Variants in SLC24A2 observed in about 807,000 individuals in gnomAD.
SLC24A2 encodes solute carrier family 24 member 2.
SLC24A2 carries 36 observed loss-of-function variants against 62.0 expected under a neutral mutation model. That is an observed-to-expected ratio of 0.58 (90% confidence interval 0.44 to 0.77). SLC24A2 has a LOEUF of 0.77. Ranked by LOEUF, SLC24A2 falls within the 30% of genes least tolerant of loss-of-function variation. SLC24A2 has a pLI of 0.00. For missense variants in SLC24A2, 846 were observed against 817.9 expected (o/e 1.03, Z -0.42); for synonymous variants, 358 against 294.0 (o/e 1.22, Z -2.23).
chr9:19,842,105 T>A, the SLC24A2 span, among the ~76,000 whole-genome samples: 1 of 152,232 alleles, frequency 6.6e-6, no homozygotes, highest in Non-Finnish European at 1.5e-5. Context: ...ATTATGGAAG[T>A]GGCAGAGATT....
intron 2 of SLC24A2, among the ~76,000 whole-genome samples, chr9:19,772,964 T>C (rs1822734493): frequency 6.6e-6 from 1 of 152,196 alleles, no homozygotes; most frequent in Non-Finnish European, 1.5e-5. Flanking sequence ...ACTGATGAAA[T>C]GTGGTGTACC....
At chr9:19,557,975 A>G (rs1835182560) in intron 7 of SLC24A2, among the ~76,000 whole-genome samples, 1 of 151,904 alleles carries the variant, frequency 6.6e-6, no homozygotes, top group Non-Finnish European at 1.5e-5. Flanking sequence ...ATGCACCACC[A>G]TGGCTAATTT....
At chr9:19,923,663 AGTT>A in the SLC24A2 span, among the ~76,000 whole-genome samples, 5 of 152,260 alleles carry the variant, frequency 3.3e-5, no homozygotes, top group African/African-American at 1.2e-4. Flanking sequence ...ATGGGGATAT[AGTT>A]GTTGTCACCT....
the SLC24A2 span, among the ~76,000 whole-genome samples, chr9:20,193,699 TAG>T: frequency 3.3e-5 from 5 of 152,020 alleles, no homozygotes; most frequent in East Asian, 7.7e-4. Flanking sequence ...TGTAACCCAA[TAG>T]AGAGACATAC....
the SLC24A2 span, among the ~76,000 whole-genome samples, chr9:19,821,733 T>C: frequency 6.6e-6 from 1 of 152,152 alleles, no homozygotes; most frequent in Non-Finnish European, 1.5e-5. Flanking sequence ...ATATCCTAAC[T>C]TTCTTACAAG....
chr9:20,082,715 C>T, the SLC24A2 span, among the ~76,000 whole-genome samples: 1 of 152,230 alleles, frequency 6.6e-6, no homozygotes, highest in Non-Finnish European at 1.5e-5. Flanking sequence ...CTTCCCACCT[C>T]TATTCCCCAT....
chr9:19,527,542 T>G (rs1833495775), intron 9 of SLC24A2, among the ~76,000 whole-genome samples: 1 of 152,258 alleles, frequency 6.6e-6, no homozygotes, highest in Admixed American at 6.5e-5. Context: ...CAATAATGAT[T>G]ACTGAGAGTG....
At position 19,512,289 on chromosome 9, in the gene SLC24A2, T is replaced by C. The variant is rs1832746691; in HGVS notation, c.*3864A>G. On this transcript the variant is annotated 3_prime_UTR_variant, in exon 11 of 11. Coordinates refer to ENST00000341998, the MANE Select transcript of SLC24A2 (RefSeq NM_020344.4). ...CATGTCTTCCCTATAAAATAAATTA[T>C]GATGGCCCTTGTCAGGTGACACCTG... 6.6e-6 allele frequency: 1 copy of C among 152,264 alleles called. No individual in the cohort carries two copies. Among genetic ancestry groups the C allele is most frequent in the Non-Finnish European group, 1.5e-5 (1 of 68,052 alleles). The allele number at this position is 152,264 out of a possible 1,614,324, so 9.4% of individuals were successfully genotyped here.
At chr9:19,825,313 C>A in the SLC24A2 span, among the ~76,000 whole-genome samples, 1 of 152,080 alleles carries the variant, frequency 6.6e-6, no homozygotes, top group African/African-American at 2.4e-5. Context: ...TTTTATTTTG[C>A]CTGGAGTAAT....
At chr9:20,090,283 T>C in the SLC24A2 span, among the ~76,000 whole-genome samples, 668 of 152,244 alleles carry the variant, frequency 4.4e-3, 4 homozygotes, top group African/African-American at 0.015. Context: ...GAAAAAACCC[T>C]TGGCCACAAC....
rs1490854133 is a variant in SLC24A2 at position 19,600,450 on chromosome 9, AG to A, written c.1079-3172del. On this transcript the variant is annotated intron_variant, in intron 4 of 10. Transcript: ENST00000341998. ...ATGTAACAACTCCCAATTGTCTCAC[AG>A]GGACAGATCTCGATTATGGAAAATA... 5.3e-5 allele frequency among the ~76,000 whole-genome samples: 8 copies of A among 152,358 alleles called. No individual in the cohort carries two copies. In the South Asian group the frequency reaches 6.2e-4, roughly 12 times the overall value.
At chr9:19,709,723 G>C (rs1325847020) in intron 2 of SLC24A2, among the ~76,000 whole-genome samples, 1 of 141,832 alleles carries the variant, frequency 7.1e-6, no homozygotes, top group Non-Finnish European at 1.5e-5. Flanking sequence ...GACACAGGAA[G>C]GGGAAATCAC....
the SLC24A2 span, among the ~76,000 whole-genome samples, chr9:20,149,981 T>A: frequency 2.0e-5 from 3 of 152,034 alleles, no homozygotes; most frequent in African/African-American, 7.2e-5. Context: ...CATTGTCACT[T>A]CCCACACCCT....
the SLC24A2 span, among the ~76,000 whole-genome samples, chr9:19,935,884 CCACATGA>C: frequency 6.6e-6 from 1 of 152,136 alleles, no homozygotes; most frequent in African/African-American, 2.4e-5. Context: ...GAAGCAATCT[CCACATGA>C]GAAGCAACAG....
chr9:20,161,899 A>C, the SLC24A2 span, among the ~76,000 whole-genome samples: 2 of 151,668 alleles, frequency 1.3e-5, no homozygotes, highest in African/African-American at 4.8e-5. Context: ...TATATTCGCT[A>C]CTGTTTAATA....
the SLC24A2 span, among the ~76,000 whole-genome samples, chr9:20,281,306 AC>A: frequency 7.9e-5 from 12 of 152,286 alleles, no homozygotes; most frequent in East Asian, 2.3e-3. Flanking sequence ...GAAACTATAA[AC>A]TTTTTATACT....
chr9:19,990,366 C>T, the SLC24A2 span, among the ~76,000 whole-genome samples: 18 of 152,122 alleles, frequency 1.2e-4, no homozygotes, highest in African/African-American at 4.3e-4. Flanking sequence ...AATCCCTGCA[C>T]TTTGGGAGGC....
chr9:19,882,456 T>C, the SLC24A2 span, among the ~76,000 whole-genome samples: 140,260 of 151,980 alleles, frequency 0.92, 65,053 homozygotes, highest in East Asian at 0.99. Context: ...TATGTGTGGA[T>C]CTCTTCCTTG....
chr9:19,729,645 A>G (rs1375588693), intron 2 of SLC24A2, among the ~76,000 whole-genome samples: 1 of 152,148 alleles, frequency 6.6e-6, no homozygotes, highest in African/African-American at 2.4e-5. Flanking sequence ...ACGCATATGT[A>G]GAAGCTAAGA....
Sources: gnomAD v4.1 joint callset for allele counts (sites outside exome capture counted in the v4.1 genomes callset) on GRCh38, gnomAD v4.1.1 for gene constraint, MANE v1.5 for transcripts, NCBI Gene and HGNC (gene_info 2026-07-23, HGNC 2026-07-21) for gene names.